HEMK2: variants seen among roughly 807,000 people sequenced by gnomAD.
The protein encoded by HEMK2 is HemK methyltransferase 2, ETF1 glutamine and histone H4 lysine, also known as methyltransferase HEMK2.
the HEMK2 span, among the ~76,000 whole-genome samples, chr21:28,866,175 A>AAAAC: frequency 6.4e-3 from 486 of 76,210 alleles, 25 homozygotes; most frequent in African/African-American, 0.017. Flanking sequence ...CAAAAAAAAA[A>AAAAC]ACACACACAC....
At chr21:28,869,096 T>C in the HEMK2 span, among the ~76,000 whole-genome samples, 3 of 152,224 alleles carry the variant, frequency 2.0e-5, no homozygotes, top group African/African-American at 4.8e-5. Context: ...GTATTTCTAC[T>C]TTCAGAATAT....
At chr21:28,838,370 T>C in the HEMK2 span, among the ~76,000 whole-genome samples, 3 of 151,116 alleles carry the variant, frequency 2.0e-5, no homozygotes, top group African/African-American at 7.3e-5. Flanking sequence ...CCGTCTCTAC[T>C]AAAAATACAA....
the HEMK2 span, among the ~76,000 whole-genome samples, chr21:28,697,675 T>C: frequency 1.4e-5 from 2 of 144,428 alleles, no homozygotes; most frequent in South Asian, 4.4e-4. Flanking sequence ...TTTGCACATA[T>C]TAGCTCCCCT....
At chr21:28,766,278 A>T in the HEMK2 span, among the ~76,000 whole-genome samples, 56 of 152,102 alleles carry the variant, frequency 3.7e-4, no homozygotes, top group East Asian at 9.9e-3. Flanking sequence ...CATTGTGGAC[A>T]TGTACCCTAG....
the HEMK2 span, among the ~76,000 whole-genome samples, chr21:28,595,711 T>C: frequency 1.3e-5 from 2 of 152,168 alleles, no homozygotes; most frequent in African/African-American, 4.8e-5. Context: ...GATTGCTACA[T>C]TGTATGGCAA....
chr21:28,665,790 T>TGTTTATTG, the HEMK2 span, among the ~76,000 whole-genome samples: 3 of 152,084 alleles, frequency 2.0e-5, no homozygotes, highest in Non-Finnish European at 4.4e-5. Flanking sequence ...TGCACACGTA[T>TGTTTATTG]GTTTATTGCG....
the HEMK2 span, among the ~76,000 whole-genome samples, chr21:28,617,178 A>C: frequency 6.6e-6 from 1 of 152,226 alleles, no homozygotes; most frequent in Admixed American, 6.5e-5. Context: ...GGAAGGTTAC[A>C]TGTATATGAA....
the HEMK2 span, among the ~76,000 whole-genome samples, chr21:28,788,943 T>G: frequency 2.6e-5 from 4 of 152,028 alleles, no homozygotes; most frequent in African/African-American, 9.7e-5. Context: ...ATTGGAGTGA[T>G]GCATCTACAA....
chr21:28,600,372 A>G, the HEMK2 span, among the ~76,000 whole-genome samples: 7 of 152,172 alleles, frequency 4.6e-5, no homozygotes. Context: ...TGGGGCTTGC[A>G]CCCTCTAAAG....
chr21:28,727,899 T>C, the HEMK2 span, among the ~76,000 whole-genome samples: 3 of 152,246 alleles, frequency 2.0e-5, no homozygotes, highest in Non-Finnish European at 2.9e-5. Context: ...ATTTTAAAAA[T>C]GCTTCTGTTT....
At chr21:28,633,424 C>G in the HEMK2 span, among the ~76,000 whole-genome samples, 2 of 152,134 alleles carry the variant, frequency 1.3e-5, no homozygotes, top group Non-Finnish European at 2.9e-5. Flanking sequence ...TAAAAGCACA[C>G]AGGGCAATTC....
the HEMK2 span, among the ~76,000 whole-genome samples, chr21:28,598,695 G>A: frequency 1.3e-5 from 2 of 152,098 alleles, no homozygotes; most frequent in Admixed American, 1.3e-4. Context: ...TGAGCCTGAG[G>A]GTGATCCTAG....
chr21:28,742,850 T>C, the HEMK2 span, among the ~76,000 whole-genome samples: 1 of 152,262 alleles, frequency 6.6e-6, no homozygotes, highest in South Asian at 2.1e-4. Context: ...AACGTTTTTC[T>C]AGCACAACAG....
the HEMK2 span, among the ~76,000 whole-genome samples, chr21:28,609,989 A>T: frequency 2.5e-3 from 378 of 152,370 alleles, 1 homozygote; most frequent in African/African-American, 8.8e-3. Context: ...TATTTGAGGG[A>T]ATCATCCAGG....
At chr21:28,782,957 T>C in the HEMK2 span, among the ~76,000 whole-genome samples, 1 of 152,236 alleles carries the variant, frequency 6.6e-6, no homozygotes, top group African/African-American at 2.4e-5. Context: ...AAAATGTTTT[T>C]TCGCAAGTGC....
chr21:28,746,146 A>C, the HEMK2 span, among the ~76,000 whole-genome samples: 2 of 152,262 alleles, frequency 1.3e-5, no homozygotes, highest in African/African-American at 4.8e-5. Flanking sequence ...TTTGTTTTAT[A>C]TGTATAACAA....
the HEMK2 span, among the ~76,000 whole-genome samples, chr21:28,745,857 T>G: frequency 6.6e-6 from 1 of 152,186 alleles, no homozygotes; most frequent in African/African-American, 2.4e-5. Context: ...ATGTGAGCAC[T>G]TTCCAAACCT....
At chr21:28,682,150 CATCT>C in the HEMK2 span, among the ~76,000 whole-genome samples, 31 of 151,976 alleles carry the variant, frequency 2.0e-4, no homozygotes, top group African/African-American at 7.2e-4. Context: ...GCAATCTACT[CATCT>C]GACAAAGGGC....
the HEMK2 span, among the ~76,000 whole-genome samples, chr21:28,689,486 C>G: frequency 1.1e-4 from 17 of 152,046 alleles, no homozygotes; most frequent in African/African-American, 4.1e-4. Flanking sequence ...AAGAAGGCAC[C>G]AGCATGTATA....
Sources: gnomAD v4.1 joint callset for allele counts (sites outside exome capture counted in the v4.1 genomes callset) on GRCh38, gnomAD v4.1.1 for gene constraint, MANE v1.5 for transcripts, NCBI Gene and HGNC (gene_info 2026-07-23, HGNC 2026-07-21) for gene names.